Variants in CCL22 observed in about 807,000 individuals in gnomAD.
CCL22 encodes C-C motif chemokine ligand 22.
Under a neutral mutation model 7.6 loss-of-function variants are expected in CCL22, and 7 were observed. The observed-to-expected ratio is 0.92, with a 90% CI of 0.52 to 1.72. The LOEUF is 1.72. Ranked by LOEUF, CCL22 falls within the 40% of genes most tolerant of loss-of-function variation. The probability of loss-of-function intolerance (pLI) is 0.00; values close to 1 mark genes in which losing one functional copy is unlikely to be tolerated. For missense variants in CCL22, 115 were observed against 124.7 expected (o/e 0.92, Z 0.37); for synonymous variants, 55 against 47.2 (o/e 1.17, Z -0.68).
Position 57,363,545 on chromosome 16 carries a change from G to C in CCL22, c.239G>C (p.Arg80Thr), listed in dbSNP as rs1289686598. 1.2e-6 allele frequency: 2 copies of C among 1,613,842 alleles called. No homozygotes were observed. The highest frequency in any genetic ancestry group is 8.5e-7 in the Non-Finnish European group (1 of 1,179,830). Residue 80 changes from arginine (R) to threonine (T), a missense_variant, in exon 3 of 3, where the codon AGA becomes ACA. By Grantham distance (71) the Arg-to-Thr change is moderately conservative. Transcript: ENST00000219235. ...GATAAGGAGATCTGTGCCGATCCCA[G>C]AGTGCCCTGGGTGAAGATGATTCTC... Reference protein sequence around the residue: ...FRDKEICADPRVPWVKMILNK... With the variant: ...FRDKEICADPTVPWVKMILNK...
rs1258245243 is a variant in CCL22, at chr16:57,360,459, A to G, written c.96A>G (p.Glu32=). 4.3e-6 allele frequency: 7 copies of G among 1,614,210 alleles called. No homozygotes were observed. Among genetic ancestry groups the G allele is most frequent in the Non-Finnish European group, 5.9e-6 (7 of 1,180,030 alleles). The change falls in exon 2 of 3, where the codon GAA becomes GAG. Residue 32 remains glutamate, a synonymous_variant. Transcript: ENST00000219235. The part of the protein sequence containing the change: ...TEAGPYGANM[E]DSVCCRDYVR... ...TAGGCCCCTACGGCGCCAACATGGAAGACAGCGTCTGCTGCCGTGATTACG... is the reference window on the plus strand; with the variant it reads ...TAGGCCCCTACGGCGCCAACATGGAGGACAGCGTCTGCTGCCGTGATTACG...
chr16:57,358,919 C>T (rs1384145421), intron 1 of CCL22, 30 bp downstream of exon 1: 2 of 1,563,000 alleles, frequency 1.3e-6, no homozygotes, highest in East Asian at 2.2e-5. Flanking sequence ...AGACCCCCTA[C>T]AGAGGCCAGG....
chr16:57,361,258 C>CAAAAA (rs68168072), intron 2 of CCL22, among the ~76,000 whole-genome samples: 1 of 114,710 alleles, frequency 8.7e-6, no homozygotes, highest in African/African-American at 3.6e-5. Flanking sequence ...GACTCTGTCT[C>CAAAAA]AAAAAAAAAA....
intron 1 of CCL22, among the ~76,000 whole-genome samples, chr16:57,359,306 TTTTTA>T (rs1230113842): frequency 1.3e-3 from 202 of 152,010 alleles, no homozygotes; most frequent in African/African-American, 4.7e-3. Flanking sequence ...TTATTATTAT[TTTTTA>T]TTTTATTTTA....
chr16:57,362,678 T>A (rs1318111470), intron 2 of CCL22, among the ~76,000 whole-genome samples: 2 of 151,982 alleles, frequency 1.3e-5, no homozygotes, highest in Admixed American at 1.3e-4. Context: ...CTGGCCAACA[T>A]GGTGAAAACC....
Position 57,363,949 on chromosome 16 carries a change from C to T in CCL22, c.*361C>T, listed in dbSNP as rs1902077029. The T allele has an allele frequency of 4.4e-6, 1 of 224,720 alleles. No homozygotes were observed. Among genetic ancestry groups the T allele is most frequent in the Non-Finnish European group, 9.0e-6 (1 of 111,338 alleles). 13.9% of individuals were successfully genotyped at this position (224,720 alleles called of 1,614,324 possible). The stretch of plus-strand genomic sequence containing the variant: ...CTCTGTCTCCAGCCTGCCCACTTCC[C>T]TTCATGAATGTTGGGTTCTAGCTCC... On this transcript the variant is annotated 3_prime_UTR_variant, in exon 3 of 3. Transcript: ENST00000219235.
upstream of CCL22, chr16:57,358,770 C>G (rs765375383): frequency 1.4e-6 from 2 of 1,429,142 alleles, no homozygotes; most frequent in South Asian, 2.3e-5. Flanking sequence ...AGCAGGTCTT[C>G]CTATGTCCCT....
Position 57,364,083 on chromosome 16 carries a change from C to T in CCL22, c.*495C>T. The stretch of plus-strand genomic sequence containing the variant: ...CACATGTGTAGCCCCACCAGCCCTC[C>T]AAGGCATTGCTCGCCCAAGCAGCTG... On this transcript the variant is annotated 3_prime_UTR_variant, in exon 3 of 3. Transcript: ENST00000219235. 1 of 157,868 alleles carries T rather than the reference C, an allele frequency of 6.3e-6. No homozygotes were observed. The highest frequency in any genetic ancestry group is 6.0e-5 in the Admixed American group (1 of 16,716). 9.8% of individuals were successfully genotyped at this position (157,868 alleles called of 1,614,324 possible).
At chr16:57,359,841 C>T (rs1384224590) in intron 1 of CCL22, among the ~76,000 whole-genome samples, 3 of 152,222 alleles carry the variant, frequency 2.0e-5, no homozygotes, top group Admixed American at 6.5e-5. Context: ...CCATGCTGAC[C>T]GGTCTTGTCT....
At chr16:57,362,245 G>C (rs1471565060) in intron 2 of CCL22, among the ~76,000 whole-genome samples, 3 of 152,272 alleles carry the variant, frequency 2.0e-5, no homozygotes, top group African/African-American at 7.2e-5. Context: ...TACTTGGGAG[G>C]CTGAGGCAGG....
Position 57,363,618 on chromosome 16 carries a change from C to T in CCL22, c.*30C>T. 6.7e-7 allele frequency: 1 copy of T among 1,486,750 alleles called. No homozygotes were observed. 92.1% of individuals were successfully genotyped at this position (1,486,750 alleles called of 1,614,324 possible). ...CCTACTCTGATGACCGTGGCCTTGG[C>T]TCCTCCAGGAAGGCTCAGGAGCCCT... On this transcript the variant is annotated 3_prime_UTR_variant, in exon 3 of 3. Coordinates refer to ENST00000219235, the MANE Select transcript of CCL22 (RefSeq NM_002990.5).
Position 57,364,795 on chromosome 16 carries a change from C to CCT in CCL22, c.*1208_*1209insTC, listed in dbSNP as rs1555509462. The CCT allele has an allele frequency of 1.6e-5, 2 of 123,560 alleles. No individual in the cohort carries two copies. The highest frequency in any genetic ancestry group is 6.1e-4 in the South Asian group (2 of 3,280). The allele number at this position is 123,560 out of a possible 1,614,324, so 7.7% of individuals were successfully genotyped here. On this transcript the variant is annotated 3_prime_UTR_variant, in exon 3 of 3. Transcript: ENST00000219235. ...TGCCTGGCCTCTTCCCTCTCCCCAC[C>CCT]CCCCCCCCAACTTTTTTTTTTTTTT...
intron 2 of CCL22, among the ~76,000 whole-genome samples, chr16:57,361,191 G>A (rs1179002337): frequency 6.7e-6 from 1 of 150,372 alleles, no homozygotes; most frequent in Non-Finnish European, 1.5e-5. Context: ...CCTGGAAGGT[G>A]GAGGTTGCAG....
chr16:57,360,899 G>A lies in CCL22; in HGVS notation c.197+339G>A, dbSNP rs371233124. ...TAGCTGTGGCATCTAGGGTATTTGG[G>A]TATAGCAGGTATAGGAGTATACCTA... On this transcript the variant is annotated intron_variant, in intron 2 of 2. Coordinates refer to ENST00000219235, the MANE Select transcript of CCL22 (RefSeq NM_002990.5). Among the ~76,000 whole-genome samples the A allele has an allele frequency of 1.6e-4, 24 of 152,242 alleles. No homozygotes were observed. In the East Asian group the frequency reaches 3.7e-3, roughly 23 times the overall value.
chr16:57,360,161 TG>T (rs1597989917), intron 1 of CCL22, among the ~76,000 whole-genome samples: 2 of 152,212 alleles, frequency 1.3e-5, no homozygotes, highest in East Asian at 3.8e-4. Context: ...AGGAGGAAAT[TG>T]GGCCTCAGGC....
Position 57,360,527 on chromosome 16 carries a change from G to T in CCL22, c.164G>T (p.Trp55Leu). The T allele has an allele frequency of 6.2e-7, 1 of 1,614,192 alleles. No homozygotes were observed. The part of the protein sequence containing the change: ...LPLRVVKHFY[W>L]TSDSCPRPGV... ...CTGCGCGTGGTGAAACACTTCTACTGGACCTCAGACTCCTGCCCGAGGCCT... is the reference window on the plus strand; with the variant it reads ...CTGCGCGTGGTGAAACACTTCTACTTGACCTCAGACTCCTGCCCGAGGCCT... The change falls in exon 2 of 3, where the codon TGG becomes TTG. Residue 55 changes from tryptophan (W) to leucine (L), a missense_variant. Coordinates refer to ENST00000219235, the MANE Select transcript of CCL22 (RefSeq NM_002990.5).
At chr16:57,363,040 T>C (rs1363824430) in intron 2 of CCL22, among the ~76,000 whole-genome samples, 1 of 151,834 alleles carries the variant, frequency 6.6e-6, no homozygotes, top group African/African-American at 2.4e-5. Context: ...TTGCCTAGGC[T>C]GGAGTACAGT....
intron 2 of CCL22, 75 bp from the exon 3 acceptor site, chr16:57,363,429 C>T: frequency 1.1e-6 from 1 of 932,150 alleles, no homozygotes; most frequent in East Asian, 2.5e-5. Flanking sequence ...CTCATAAATG[C>T]TAAGCTCCCG....
chr16:57,361,399 G>C (rs1422143508), intron 2 of CCL22, among the ~76,000 whole-genome samples: 1 of 152,122 alleles, frequency 6.6e-6, no homozygotes, highest in Non-Finnish European at 1.5e-5. Context: ...CGAGTGCCAG[G>C]CACTGTTCTG....
Sources: gnomAD v4.1 joint callset for allele counts (sites outside exome capture counted in the v4.1 genomes callset) on GRCh38, gnomAD v4.1.1 for gene constraint, MANE v1.5 for transcripts, NCBI Gene and HGNC (gene_info 2026-07-23, HGNC 2026-07-21) for gene names.